Variants in FARS2 observed in about 807,000 individuals in gnomAD.
FARS2 encodes phenylalanyl-tRNA synthetase 2, mitochondrial.
FARS2 carries 40 observed loss-of-function variants against 46.4 expected under a neutral mutation model. The observed-to-expected ratio is 0.86, with a 90% CI of 0.67 to 1.12. The LOEUF (loss-of-function observed/expected upper bound fraction) is 1.12. Ranked by LOEUF, FARS2 falls within the 50% of genes most tolerant of loss-of-function variation. FARS2 has a pLI of 0.00. For synonymous variants in FARS2, 234 were observed against 214.9 expected (o/e 1.09, Z -0.78); for missense variants, 513 against 567.9 (o/e 0.90, Z 0.98).
At chr6:5,565,009 G>A (rs1013418680) in intron 5 of FARS2, among the ~76,000 whole-genome samples, 4 of 152,188 alleles carry the variant, frequency 2.6e-5, no homozygotes, top group Non-Finnish European at 5.9e-5. Flanking sequence ...AAAATAACCA[G>A]TTTTTCCAGT....
At chr6:5,385,569 G>T (rs1760071308) in intron 2 of FARS2, among the ~76,000 whole-genome samples, 1 of 151,960 alleles carries the variant, frequency 6.6e-6, no homozygotes, top group South Asian at 2.1e-4. Context: ...CTACAGGCAT[G>T]CACTACCATG....
upstream of FARS2, among the ~76,000 whole-genome samples, chr6:5,259,122 T>G (rs778639267): frequency 7.9e-5 from 12 of 152,250 alleles, no homozygotes; most frequent in Non-Finnish European, 1.6e-4. Context: ...CTTTCTTACA[T>G]GCTCTCACAT....
In FARS2 at chr6:5,532,235, G is replaced by A. The variant is rs1335124724; in HGVS notation, c.905-12945G>A. ...GTTTTGAAATACCTTGAACATAGCC[G>A]TCCTCAGTTAATGTTTCAGCATGAA... On this transcript the variant is annotated intron_variant, in intron 4 of 6. Coordinates refer to ENST00000274680, the MANE Select transcript of FARS2 (RefSeq NM_006567.5). Among the ~76,000 whole-genome samples the A allele has an allele frequency of 5.9e-5, 9 of 152,192 alleles. 1 individual carries two copies. The highest frequency in any genetic ancestry group is 3.2e-3 in the Middle Eastern group (1 of 314).
chr6:5,568,218 T>C (rs1432371395), intron 5 of FARS2, among the ~76,000 whole-genome samples: 2 of 152,180 alleles, frequency 1.3e-5, no homozygotes, highest in African/African-American at 2.4e-5. Flanking sequence ...TATGCGGTTC[T>C]GATTCACGTT....
At chr6:5,710,594 G>A in intron 6 of FARS2, among the ~76,000 whole-genome samples, 1 of 152,200 alleles carries the variant, frequency 6.6e-6, no homozygotes, top group East Asian at 1.9e-4. Flanking sequence ...GCACGGGGAG[G>A]GGACCCCACA....
At chr6:5,532,477 C>T (rs916780472) in intron 4 of FARS2, among the ~76,000 whole-genome samples, 15 of 152,164 alleles carry the variant, frequency 9.9e-5, no homozygotes, top group Admixed American at 2.6e-4. Context: ...GTTGGCTGGG[C>T]GCAGTGGCTC....
At chr6:5,415,942 A>G (rs556660829) in intron 3 of FARS2, among the ~76,000 whole-genome samples, 156 of 152,036 alleles carry the variant, frequency 1.0e-3, no homozygotes, top group African/African-American at 3.7e-3. Context: ...CCTGGGCTCA[A>G]GCAGTCTGCC....
At chr6:5,758,397 A>G (rs1274956255) in intron 6 of FARS2, among the ~76,000 whole-genome samples, 1 of 152,226 alleles carries the variant, frequency 6.6e-6, no homozygotes, top group Non-Finnish European at 1.5e-5. Context: ...GATACATTTA[A>G]ATAGTCATTT....
intron 5 of FARS2, among the ~76,000 whole-genome samples, chr6:5,580,906 C>G (rs1303396831): frequency 2.0e-5 from 3 of 152,206 alleles, no homozygotes; most frequent in African/African-American, 4.8e-5. Flanking sequence ...TTGCCAAAAA[C>G]CACATTTGTT....
intron 5 of FARS2, among the ~76,000 whole-genome samples, chr6:5,598,198 A>C (rs2150625087): frequency 6.6e-6 from 1 of 152,192 alleles, no homozygotes; most frequent in Non-Finnish European, 1.5e-5. Context: ...ATGAGGCTAG[A>C]CAGCATAGTG....
At chr6:5,466,818 G>A in intron 4 of FARS2, 1 of 985,384 alleles carries the variant, frequency 1.0e-6, no homozygotes, top group Non-Finnish European at 1.2e-6. Context: ...CCTCTGAGAA[G>A]CACTGAGTTG....
intron 4 of FARS2, among the ~76,000 whole-genome samples, chr6:5,511,715 G>A (rs758429686): frequency 7.9e-5 from 12 of 152,136 alleles, no homozygotes; most frequent in Non-Finnish European, 1.3e-4. Context: ...CCTTTTCTCT[G>A]TTTTCCTCAT....
At chr6:5,368,495 C>T in intron 1 of FARS2, 55 bp from the exon 2 acceptor site, 1 of 1,490,732 alleles carries the variant, frequency 6.7e-7, no homozygotes. Flanking sequence ...AAAGAACACA[C>T]TTGCTTTCCA....
At chr6:5,331,148 T>G (rs1204449412) in intron 1 of FARS2, among the ~76,000 whole-genome samples, 3 of 152,064 alleles carry the variant, frequency 2.0e-5, no homozygotes, top group Non-Finnish European at 4.4e-5. Context: ...TCTACATATT[T>G]TTTTGAGTCT....
chr6:5,706,910 T>C (rs1349813299), intron 6 of FARS2, among the ~76,000 whole-genome samples: 4 of 152,232 alleles, frequency 2.6e-5, no homozygotes, highest in African/African-American at 9.7e-5. Flanking sequence ...GCTCCTGTTG[T>C]TTCCATGTCA....
intron 4 of FARS2, among the ~76,000 whole-genome samples, chr6:5,464,744 AT>A (rs1309256548): frequency 6.6e-6 from 1 of 152,170 alleles, no homozygotes; most frequent in African/African-American, 2.4e-5. Flanking sequence ...ATACATGAAA[AT>A]TTTTCAAACC....
At chr6:5,473,003 A>G (rs961307344) in intron 4 of FARS2, among the ~76,000 whole-genome samples, 1 of 152,334 alleles carries the variant, frequency 6.6e-6, no homozygotes, top group East Asian at 1.9e-4. Flanking sequence ...TTCATGGCCT[A>G]AAAGGGTAAT....
intron 4 of FARS2, among the ~76,000 whole-genome samples, chr6:5,520,029 A>G (rs1051237266): frequency 3.9e-5 from 6 of 152,314 alleles, no homozygotes; most frequent in African/African-American, 1.4e-4. Flanking sequence ...AGTTCTGACC[A>G]GTTCCCCACA....
chr6:5,404,035 T>C, intron 2 of FARS2, among the ~76,000 whole-genome samples: 1 of 152,248 alleles, frequency 6.6e-6, no homozygotes, highest in Non-Finnish European at 1.5e-5. Context: ...GCTTAGCTAC[T>C]GTATCACTTG....
Sources: allele counts gnomAD v4.1 joint callset (sites outside exome capture counted in the v4.1 genomes callset), GRCh38; gene constraint gnomAD v4.1.1; transcripts MANE v1.5; gene names NCBI Gene and HGNC (gene_info 2026-07-23, HGNC 2026-07-21).